Variants in AMOTL2 observed in about 807,000 individuals in gnomAD.
The protein encoded by AMOTL2 is angiomotin-like protein 2.
Under a neutral mutation model 78.4 loss-of-function variants are expected in AMOTL2, and 33 were observed. The ratio of observed to expected loss-of-function variants is 0.42; its 90% CI spans 0.32 to 0.56. The LOEUF is 0.56. Among genes scored for constraint, AMOTL2 ranks in the 20% least tolerant of loss-of-function variants. The pLI is 0.12. For synonymous variants in AMOTL2, 422 were observed against 428.8 expected (o/e 0.98, Z 0.20); for missense variants, 983 against 1,030.1 (o/e 0.95, Z 0.63).
intron 2 of AMOTL2, among the ~76,000 whole-genome samples, 158 bp downstream of exon 2, chr3:134,370,542 C>A (rs2017800431): frequency 6.6e-6 from 1 of 152,192 alleles, no homozygotes; most frequent in South Asian, 2.1e-4. Context: ...TCAGCTAAGT[C>A]CCTCTTCTCT....
chr3:134,374,359 G>A lies in AMOTL2; in HGVS notation c.-79C>T, dbSNP rs2018006705. On this transcript the variant is annotated 5_prime_UTR_variant, in exon 1 of 10. Coordinates refer to ENST00000249883, the MANE Select transcript of AMOTL2 (RefSeq NM_016201.4). ...TTCCTTACCGCTGCGGCCCGAGGGT[G>A]CCCAGCGCAGTCAGACACCACAACC... is the stretch of plus-strand genomic sequence containing the variant. 9 of 973,982 alleles carry A rather than the reference G, an allele frequency of 9.2e-6. No individual in the cohort carries two copies. Among genetic ancestry groups the A allele is most frequent in the Non-Finnish European group, 1.1e-5 (9 of 827,236 alleles). The allele number at this position is 973,982 out of a possible 1,614,324, so 60.3% of individuals were successfully genotyped here.
At chr3:134,369,054 A>C (rs2017735764) in intron 2 of AMOTL2, among the ~76,000 whole-genome samples, 1 of 152,194 alleles carries the variant, frequency 6.6e-6, no homozygotes, top group Admixed American at 6.5e-5. Flanking sequence ...GCTGCCATGC[A>C]GCCTATGGCC....
upstream of AMOTL2, chr3:134,374,714 T>C: frequency 1.0e-6 from 1 of 981,934 alleles, no homozygotes; most frequent in Non-Finnish European, 1.2e-6. Flanking sequence ...CAGGCCGCGG[T>C]GTGTCCGCCC....
rs922364496 is a variant in AMOTL2, at chr3:134,371,093, G to A, written c.341C>T (p.Ser114Leu). 10 of 1,612,402 alleles carry A rather than the reference G, an allele frequency of 6.2e-6. No homozygotes were observed. The highest frequency in any genetic ancestry group is 1.6e-4 in the Middle Eastern group (1 of 6,082). The change falls in exon 2 of 10, where the codon TCG (serine) becomes TTG (leucine). Residue 114 changes from serine to leucine, a missense_variant. Physicochemically the swap from Ser to Leu is moderately radical, Grantham distance 145. Coordinates refer to ENST00000249883, the MANE Select transcript of AMOTL2 (RefSeq NM_016201.4). ...TGCCTGCTGGGCCGCATAGTACTGC[G>A]AGTGGGCTTTGGCCTCCTCATAGGT... ...LPTYEEAKAHSQYYAAQQAGT... is the reference protein window; with the variant it reads ...LPTYEEAKAHLQYYAAQQAGT...
intron 2 of AMOTL2, among the ~76,000 whole-genome samples, chr3:134,369,561 TCTGGAGGGGTGGAGG>T (rs1469808621): frequency 6.6e-6 from 1 of 152,006 alleles, no homozygotes; most frequent in Non-Finnish European, 1.5e-5. Context: ...AAAGTGCGAG[TCTGGAGGGGTGGAGG>T]CTGGAGAAAA....
At position 134,359,318 on chromosome 3, in the gene AMOTL2, C is replaced by T. The variant is rs556572166; in HGVS notation, c.2069G>A (p.Arg690Gln). Residue 690 changes from arginine (R) to glutamine (Q), a missense_variant, in exon 8 of 10, where the codon CGA becomes CAA. Coordinates refer to ENST00000249883, the MANE Select transcript of AMOTL2 (RefSeq NM_016201.4). Reference sequence around the variant, plus strand: ...CCGAGCAGGGGCGTCTGCTGTTTGTCGCTCACTAGAAGAGAGCCCTTGCCA... The same window carrying T: ...CCGAGCAGGGGCGTCTGCTGTTTGTTGCTCACTAGAAGAGAGCCCTTGCCA... The part of the protein sequence containing the change: ...QGWQGLSSSE[R>Q]QTADAPARLT... The T allele has an allele frequency of 3.5e-5, 57 of 1,614,184 alleles. No homozygotes were observed. In the East Asian group the frequency reaches 8.7e-4, roughly 25 times the overall value.
At chr3:134,365,767 G>C (rs779635360) in intron 5 of AMOTL2, 50 bp downstream of exon 5, 3 of 1,516,988 alleles carry the variant, frequency 2.0e-6, no homozygotes, top group Non-Finnish European at 2.7e-6. Context: ...GTGTGCAGCA[G>C]TCCCATTGCC....
At position 134,370,708 on chromosome 3, in the gene AMOTL2, A is replaced by C. The variant is rs1256276013; in HGVS notation, c.726T>G (p.Ala242=). The C allele has an allele frequency of 3.3e-6, 5 of 1,509,554 alleles. No homozygotes were observed. Among genetic ancestry groups the C allele is most frequent in the Non-Finnish European group, 4.4e-6 (5 of 1,129,272 alleles). The allele number at this position is 1,509,554 out of a possible 1,614,324, so 93.5% of individuals were successfully genotyped here. The change falls in exon 2 of 10, where the codon GCT becomes GCG. Residue 242 remains alanine (A), a synonymous_variant. Coordinates refer to ENST00000249883, the MANE Select transcript of AMOTL2 (RefSeq NM_016201.4). ...RARGSPHFQH[A]EVRILQAQVP... is the part of the protein sequence containing the mutation. Reference sequence around the variant, plus strand: ...AAGGTGGGGAGAGTTACCTGACTTCAGCATGCTGGAAGTGCGGGCTGCCGC... The same window carrying C: ...AAGGTGGGGAGAGTTACCTGACTTCCGCATGCTGGAAGTGCGGGCTGCCGC...
chr3:134,367,399 T>C (rs2017655012), intron 3 of AMOTL2, 98 bp downstream of exon 3: 1 of 1,425,116 alleles, frequency 7.0e-7, no homozygotes, highest in Non-Finnish European at 9.6e-7. Flanking sequence ...GCCAAACAGT[T>C]TTCAGGCTCC....
At chr3:134,368,124 C>T (rs1279479613) in intron 2 of AMOTL2, among the ~76,000 whole-genome samples, 2 of 152,086 alleles carry the variant, frequency 1.3e-5, no homozygotes, top group Admixed American at 6.5e-5. Context: ...CTGAGCAATC[C>T]TGGGCCTCCT....
chr3:134,357,826 T>G, intron 9 of AMOTL2, 63 bp from the exon 10 acceptor site: 1 of 1,517,664 alleles, frequency 6.6e-7, no homozygotes, highest in Non-Finnish European at 9.2e-7. Context: ...TTTAAAATCC[T>G]GGCACATTTG....
chr3:134,359,295 G>C lies in AMOTL2; in HGVS notation c.2092C>G (p.Arg698Gly), dbSNP rs149761638. 489 of 1,614,144 alleles carry C rather than the reference G, an allele frequency of 3.0e-4. No individual in the cohort carries two copies. In the African/African-American group the frequency reaches 5.9e-3, roughly 19 times the overall value. Residue 698 changes from arginine (R) to glycine (G), a missense_variant, in exon 8 of 10, where the codon CGG becomes GGG. By Grantham distance (125) the Arg-to-Gly change is moderately radical. Coordinates refer to ENST00000249883, the MANE Select transcript of AMOTL2 (RefSeq NM_016201.4). ...AGCCTCCTCTTACCTGTAGTCAGCC[G>C]AGCAGGGGCGTCTGCTGTTTGTCGC... is the stretch of plus-strand genomic sequence containing the variant. ...SERQTADAPA[R>G]LTTADRAPTE...
At position 134,361,802 on chromosome 3, in the gene AMOTL2, C is replaced by T. The variant is rs773521777; in HGVS notation, c.1285G>A (p.Glu429Lys). The T allele has an allele frequency of 9.0e-6, 14 of 1,549,754 alleles. No homozygotes were observed. The highest frequency in any genetic ancestry group is 2.7e-5 in the African/African-American group (2 of 73,340). The part of the protein sequence containing the change: ...MVAKLLAQSY[E>K]QQQEQEKLER... The stretch of plus-strand genomic sequence containing the variant: ...AGCTTCTCTTGCTCCTGCTGCTGTT[C>T]GTAGCCTGTAGGGAGAAAGAGGCTT... The change falls in exon 6 of 10, where the codon GAA becomes AAA. Residue 429 changes from glutamate to lysine, a missense_variant. By Grantham distance (56) the Glu-to-Lys change is moderately conservative. Coordinates refer to ENST00000249883, the MANE Select transcript of AMOTL2 (RefSeq NM_016201.4).
intron 3 of AMOTL2, 90 bp from the exon 4 acceptor site, chr3:134,366,517 G>T (rs2017611760): frequency 7.1e-7 from 1 of 1,412,532 alleles, no homozygotes; most frequent in Non-Finnish European, 9.5e-7. Context: ...CAGAAAAGGT[G>T]ACAGATGAGA....
intron 2 of AMOTL2, among the ~76,000 whole-genome samples, chr3:134,368,945 A>C (rs1384391572): frequency 6.6e-6 from 1 of 152,140 alleles, no homozygotes; most frequent in Non-Finnish European, 1.5e-5. Flanking sequence ...TCAGTTTCAC[A>C]AAGAATCTTC....
chr3:134,368,500 C>T (rs2173448), intron 2 of AMOTL2, among the ~76,000 whole-genome samples: 4,839 of 152,238 alleles, frequency 0.032, 260 homozygotes, highest in African/African-American at 0.11. Flanking sequence ...AATCCCTGCT[C>T]CAGCTGTTTA....
rs1002565060 is a variant in AMOTL2 at position 134,357,459 on chromosome 3, T to C, written c.*246A>G. ...GCAAGAAGTCAAGGCTGAATCCTCA[T>C]TCTCCATAAGGCCCGGAGGAATGTG... On this transcript the variant is annotated 3_prime_UTR_variant, in exon 10 of 10. Coordinates refer to ENST00000249883, the MANE Select transcript of AMOTL2 (RefSeq NM_016201.4). The C allele has an allele frequency of 5.8e-6, 3 of 515,628 alleles. No homozygotes were observed. The East Asian group carries it at 9.3e-5, about 16-fold the overall frequency. The allele number at this position is 515,628 out of a possible 1,614,324, so 31.9% of individuals were successfully genotyped here. A position where few individuals can be genotyped will look rare whatever the true frequency, so the allele number is the denominator to read the frequency against.
chr3:134,362,063 A>G (rs1454508795), intron 5 of AMOTL2, among the ~76,000 whole-genome samples: 1 of 152,264 alleles, frequency 6.6e-6, no homozygotes, highest in African/African-American at 2.4e-5. Flanking sequence ...CTACTGGGAC[A>G]TACTGCCATG....
chr3:134,371,732 T>C, intron 1 of AMOTL2: 1 of 589,628 alleles, frequency 1.7e-6, no homozygotes, highest in South Asian at 4.0e-5. Context: ...AGAATTCTGC[T>C]TGACTCATGG....
Sources: allele counts gnomAD v4.1 joint callset (sites outside exome capture counted in the v4.1 genomes callset), GRCh38; gene constraint gnomAD v4.1.1; transcripts MANE v1.5; gene names NCBI Gene and HGNC (gene_info 2026-07-23, HGNC 2026-07-21).